Variants in GPC5 observed in about 807,000 individuals in gnomAD.
GPC5 encodes glypican 5.
Under a neutral mutation model 53.9 loss-of-function variants are expected in GPC5, and 47 were observed. That is an observed-to-expected ratio of 0.87 (90% CI 0.69 to 1.11). GPC5 has a LOEUF of 1.11. Ranked by LOEUF, GPC5 falls within the 50% of genes most tolerant of loss-of-function variation. The pLI is 0.00. For missense variants in GPC5, 748 were observed against 713.1 expected, an observed-to-expected ratio of 1.05 and a Z score of -0.56; for synonymous variants, 286 against 263.3, an observed-to-expected ratio of 1.09 and a Z score of -0.84.
chr13:92,281,163 C>G lies in GPC5; in HGVS notation c.1561+136174C>G, dbSNP rs113279778. 5.2e-3 allele frequency among the ~76,000 whole-genome samples: 788 copies of G among 152,304 alleles called. 4 individuals are homozygous for G. The highest frequency in any genetic ancestry group is 0.018 in the African/African-American group (748 of 41,580). ...CCTCGCTCATTGCTAGTAAGGCAGT[C>G]TGAGATGGAACTACAAGGCGTCAGC... On this transcript the variant is annotated intron_variant, in intron 7 of 7. Transcript: ENST00000377067.
intron 4 of GPC5, 58 bp downstream of exon 4, chr13:91,728,723 A>G (rs1287399599): frequency 6.6e-7 from 1 of 1,511,164 alleles, no homozygotes; most frequent in Non-Finnish European, 9.0e-7. Context: ...TAATTTTACA[A>G]CAGAATAGAA....
chr13:92,843,514 C>G (rs1273619414), intron 7 of GPC5, among the ~76,000 whole-genome samples: 1 of 152,092 alleles, frequency 6.6e-6, no homozygotes, highest in African/African-American at 2.4e-5. Flanking sequence ...CAAAGGCATC[C>G]ACCATCCCTC....
At chr13:92,148,455 T>G (rs1188347552) in intron 7 of GPC5, among the ~76,000 whole-genome samples, 1 of 152,114 alleles carries the variant, frequency 6.6e-6, no homozygotes, top group East Asian at 1.9e-4. Context: ...TAATTTCTAT[T>G]TGTAATCCCA....
At chr13:92,675,980 G>A (rs374396562) in intron 7 of GPC5, among the ~76,000 whole-genome samples, 2 of 152,034 alleles carry the variant, frequency 1.3e-5, no homozygotes, top group Non-Finnish European at 1.5e-5. Context: ...TCCTCCCATC[G>A]AAATATTGTC....
chr13:91,550,542 T>A (rs556014541), intron 2 of GPC5, among the ~76,000 whole-genome samples: 13 of 152,202 alleles, frequency 8.5e-5, no homozygotes, highest in African/African-American at 2.9e-4. Context: ...GGTACAAGAG[T>A]TAAGGATACA....
chr13:92,851,393 C>T (rs376534478), intron 7 of GPC5, among the ~76,000 whole-genome samples: 28 of 152,114 alleles, frequency 1.8e-4, no homozygotes, highest in Non-Finnish European at 2.4e-4. Flanking sequence ...TCAGGCAAGA[C>T]GCTGGAAGAG....
chr13:91,585,000 C>T (rs899114128), intron 2 of GPC5, among the ~76,000 whole-genome samples: 1 of 152,014 alleles, frequency 6.6e-6, no homozygotes, highest in Non-Finnish European at 1.5e-5. Context: ...CCCTATAAAT[C>T]AATAGAAAAA....
At position 92,239,566 on chromosome 13, in the gene GPC5, C is replaced by T. The variant is rs555933155; in HGVS notation, c.1561+94577C>T. ...ATTTTCTAAGAAATATAAATTTGTCCTTGAAATTAGTCATAAAATATCCTG... is the reference window on the plus strand; with the variant it reads ...ATTTTCTAAGAAATATAAATTTGTCTTTGAAATTAGTCATAAAATATCCTG... On this transcript the variant is annotated intron_variant, in intron 7 of 7. Transcript: ENST00000377067. Among the ~76,000 whole-genome samples, 26 of 151,946 alleles carry T rather than the reference C, an allele frequency of 1.7e-4. 1 individual carries two copies. The Middle Eastern group carries it at 0.014, about 80-fold the overall frequency.
At chr13:92,636,739 T>C (rs4435099) in intron 7 of GPC5, among the ~76,000 whole-genome samples, 14,748 of 152,220 alleles carry the variant, frequency 0.097, 980 homozygotes, top group Admixed American at 0.15. Flanking sequence ...TCCAAGTTCC[T>C]ACCAAAGTGC....
chr13:92,713,850 T>C (rs955416236), intron 7 of GPC5, among the ~76,000 whole-genome samples: 12 of 152,194 alleles, frequency 7.9e-5, no homozygotes, highest in Admixed American at 7.9e-4. Flanking sequence ...CATATGTTGC[T>C]GTTGGGACTT....
intron 7 of GPC5, among the ~76,000 whole-genome samples, chr13:92,776,865 T>G (rs552979243): frequency 6.6e-6 from 1 of 151,686 alleles, no homozygotes; most frequent in South Asian, 2.1e-4. Context: ...CCTTCTTTAA[T>G]AATGCTCTGT....
chr13:91,566,387 A>G (rs1253790529), intron 2 of GPC5, among the ~76,000 whole-genome samples: 2 of 151,996 alleles, frequency 1.3e-5, no homozygotes, highest in Non-Finnish European at 1.5e-5. Context: ...AAGATGGTGA[A>G]ACCCTGTTTC....
intron 5 of GPC5, among the ~76,000 whole-genome samples, chr13:91,833,651 T>A (rs144913962): frequency 0.044 from 6,637 of 152,184 alleles, 171 homozygotes; most frequent in Middle Eastern, 0.068. Context: ...CACATGATTA[T>A]CTCAATAGAT....
chr13:91,760,087 G>A (rs2037378207), intron 5 of GPC5, among the ~76,000 whole-genome samples: 1 of 151,620 alleles, frequency 6.6e-6, no homozygotes, highest in Admixed American at 6.6e-5. Flanking sequence ...AAGAATTATG[G>A]GCCATTATTG....
chr13:91,652,657 C>A (rs921474375), intron 2 of GPC5, among the ~76,000 whole-genome samples: 3 of 152,110 alleles, frequency 2.0e-5, no homozygotes, highest in Non-Finnish European at 4.4e-5. Context: ...GAATGCCAAG[C>A]AATTTAAAGC....
chr13:92,535,788 A>G lies in GPC5; in HGVS notation c.1562-330494A>G, dbSNP rs537117627. Among the ~76,000 whole-genome samples the G allele has an allele frequency of 5.3e-5, 8 of 152,192 alleles. No individual in the cohort carries two copies. The East Asian group carries it at 1.4e-3, about 26-fold the overall frequency. Reference sequence around the variant, plus strand: ...TAGAAATTTCATTCTAAGAAACACCACATTCCCTTGCACTTGTATATTAGA... The same window carrying G: ...TAGAAATTTCATTCTAAGAAACACCGCATTCCCTTGCACTTGTATATTAGA... On this transcript the variant is annotated intron_variant, in intron 7 of 7. Transcript: ENST00000377067.
chr13:92,170,906 G>A (rs1366820886), intron 7 of GPC5, among the ~76,000 whole-genome samples: 2 of 152,082 alleles, frequency 1.3e-5, no homozygotes, highest in African/African-American at 4.8e-5. Context: ...CATGGAGTAG[G>A]AGACACAATA....
At chr13:92,096,672 T>C (rs997250201) in intron 6 of GPC5, among the ~76,000 whole-genome samples, 8 of 152,182 alleles carry the variant, frequency 5.3e-5, no homozygotes, top group Non-Finnish European at 2.9e-5. Context: ...TTCTGCTATA[T>C]GAGGACAAAG....
intron 6 of GPC5, among the ~76,000 whole-genome samples, chr13:92,040,020 C>T (rs553397492): frequency 6.6e-6 from 1 of 152,240 alleles, no homozygotes; most frequent in East Asian, 1.9e-4. Context: ...TTATTTGAAA[C>T]AGAACATGGA....
Sources: gnomAD v4.1 joint callset for allele counts (sites outside exome capture counted in the v4.1 genomes callset) on GRCh38, gnomAD v4.1.1 for gene constraint, MANE v1.5 for transcripts, NCBI Gene and HGNC (gene_info 2026-07-23, HGNC 2026-07-21) for gene names.